The following MMP27 variants were observed in gnomAD, a reference collection of about 807,000 sequenced individuals.
MMP27 encodes the protein matrix metalloproteinase-27.
A neutral mutation model predicts 48.1 loss-of-function variants in MMP27; 51 were observed. The observed-to-expected ratio is 1.06, with a 90% CI of 0.85 to 1.34. MMP27 has a LOEUF of 1.34. Ranked by LOEUF, MMP27 falls within the 40% of genes most tolerant of loss-of-function variation. The pLI is 0.00. For missense variants in MMP27, 698 were observed against 619.3 expected (o/e 1.13, Z -1.35); for synonymous variants, 229 against 208.9 (o/e 1.10, Z -0.83).
At chr11:102,705,469 G>GAGAT in intron 1 of MMP27, 144 bp downstream of exon 1, 1 of 561,726 alleles carries the variant, frequency 1.8e-6, no homozygotes, top group South Asian at 2.6e-5. Context: ...GATATCGTCA[G>GAGAT]AGATAGACAA....
chr11:102,703,155 A>C, intron 2 of MMP27, 37 bp from the exon 3 acceptor site: 1 of 1,591,732 alleles, frequency 6.3e-7, no homozygotes, highest in Non-Finnish European at 8.6e-7. Flanking sequence ...TTTCTGGCTT[A>C]TTCATGCATG....
chr11:102,702,600 G>A (rs533537944), intron 4 of MMP27, among the ~76,000 whole-genome samples, 153 bp downstream of exon 4: 16 of 152,318 alleles, frequency 1.1e-4, no homozygotes, highest in Middle Eastern at 3.4e-3. Flanking sequence ...TTATGAGGGT[G>A]TATTGAACAC....
intron 7 of MMP27, 124 bp from the exon 8 acceptor site, chr11:102,694,189 C>A: frequency 1.7e-6 from 1 of 577,938 alleles, no homozygotes; most frequent in East Asian, 3.2e-5. Context: ...AATCTTATGT[C>A]CACATTCATT....
rs549949679 is a variant in MMP27, at chr11:102,693,651, C to T, written c.1193+255G>A. ...TACAAAAATTAGCCAGGCGTGGTGGCACATGCCTGTAGTATCAGTTACTTG... is the reference window on the plus strand; with the variant it reads ...TACAAAAATTAGCCAGGCGTGGTGGTACATGCCTGTAGTATCAGTTACTTG... On this transcript the variant is annotated intron_variant, in intron 8 of 9. Coordinates refer to ENST00000260229, the MANE Select transcript of MMP27 (RefSeq NM_022122.3). Among the ~76,000 whole-genome samples, 129 of 152,066 alleles carry T rather than the reference C, an allele frequency of 8.5e-4. 2 individuals carry two copies. Among genetic ancestry groups the T allele is most frequent in the Non-Finnish European group, 2.4e-4 (16 of 67,996 alleles).
At chr11:102,697,629 G>A (rs1860856085) in intron 4 of MMP27, among the ~76,000 whole-genome samples, 1 of 151,890 alleles carries the variant, frequency 6.6e-6, no homozygotes, top group African/African-American at 2.4e-5. Flanking sequence ...AGCCTCCTGT[G>A]CAGCTGGGAC....
chr11:102,695,998 C>A (rs1169107162), intron 6 of MMP27, among the ~76,000 whole-genome samples: 1 of 152,134 alleles, frequency 6.6e-6, no homozygotes, highest in African/African-American at 2.4e-5. Flanking sequence ...CAATTTCAAG[C>A]TGCCTATGTG....
chr11:102,704,913 TGA>T (rs1206207973), intron 1 of MMP27, 138 bp from the exon 2 acceptor site: 4 of 605,034 alleles, frequency 6.6e-6, no homozygotes, highest in Non-Finnish European at 1.2e-5. Context: ...TGAGAGAAAG[TGA>T]GGAGTGAAGG....
At chr11:102,693,684 C>T (rs1591655920) in intron 8 of MMP27, among the ~76,000 whole-genome samples, 1 of 152,054 alleles carries the variant, frequency 6.6e-6, no homozygotes, top group South Asian at 2.1e-4. Context: ...TTGGGGGTTG[C>T]TGAGACAGGA....
chr11:102,703,820 A>C (rs1005902606), intron 2 of MMP27, among the ~76,000 whole-genome samples: 1 of 152,200 alleles, frequency 6.6e-6, no homozygotes, highest in Non-Finnish European at 1.5e-5. Context: ...CACCACACCC[A>C]GTCCATATAT....
At chr11:102,699,328 C>G (rs1204117125) in intron 4 of MMP27, among the ~76,000 whole-genome samples, 1 of 151,926 alleles carries the variant, frequency 6.6e-6, no homozygotes, top group South Asian at 2.1e-4. Context: ...ATTAGCCAGG[C>G]AAGGTGACCT....
chr11:102,696,932 G>T, intron 4 of MMP27, 97 bp from the exon 5 acceptor site: 1 of 1,313,040 alleles, frequency 7.6e-7, no homozygotes, highest in Non-Finnish European at 1.0e-6. Flanking sequence ...TGAAATAAAG[G>T]CTTGCTATAC....
chr11:102,693,186 C>G, intron 8 of MMP27, 145 bp from the exon 9 acceptor site: 1 of 577,330 alleles, frequency 1.7e-6, no homozygotes, highest in Non-Finnish European at 3.1e-6. Flanking sequence ...AATAAAAATA[C>G]AGTAAAGATT....
chr11:102,692,038 T>C (rs1860735569), intron 9 of MMP27, 28 bp from the exon 10 acceptor site: 1 of 1,561,020 alleles, frequency 6.4e-7, no homozygotes, highest in Admixed American at 1.9e-5. Flanking sequence ...GGATTAGTTA[T>C]CTTTCATAAC....
chr11:102,695,644 G>A (rs959497211), intron 6 of MMP27, among the ~76,000 whole-genome samples: 1 of 152,168 alleles, frequency 6.6e-6, no homozygotes, highest in African/African-American at 2.4e-5. Flanking sequence ...GAGAATGGTG[G>A]TGATAACATG....
chr11:102,691,986 G>C lies in MMP27; in HGVS notation c.1322C>G (p.Ser441Ter). 6.2e-7 allele frequency: 1 copy of C among 1,605,504 alleles called. No homozygotes were observed. The highest frequency in any genetic ancestry group is 8.5e-7 in the Non-Finnish European group (1 of 1,175,462). The part of the protein sequence containing the change: ...YKGFFFFSRG[S>*]KQFEYDIKTK... Reference sequence around the variant, plus strand: ...CTTAATGTCGTATTCAAATTGCTTTGATCCACGGCTGAAAAAGAAGAATCC... The same window carrying C: ...CTTAATGTCGTATTCAAATTGCTTTCATCCACGGCTGAAAAAGAAGAATCC... Residue 441 changes from serine (S) to a stop codon, truncating the protein, a stop_gained, in exon 10 of 10, where the codon TCA (serine) becomes TGA (stop). Transcript: ENST00000260229. LOFTEE classifies it low-confidence loss of function (END_TRUNC).
At chr11:102,693,119 TCAA>T in intron 8 of MMP27, 78 bp from the exon 9 acceptor site, 4 of 1,073,108 alleles carry the variant, frequency 3.7e-6, no homozygotes, top group Non-Finnish European at 5.7e-6. Flanking sequence ...CAACTTAGAG[TCAA>T]GCAGGGATGT....
rs1290401333 is a variant in MMP27 at position 102,704,793 on chromosome 11, A to G, written c.103-18T>C. 3 of 772,182 alleles carry G rather than the reference A, an allele frequency of 3.9e-6. No homozygotes were observed. The highest frequency in any genetic ancestry group is 6.6e-5 in the Admixed American group (2 of 30,364). 47.8% of individuals were successfully genotyped at this position (772,182 alleles called of 1,614,324 possible). On this transcript the variant is annotated intron_variant, in intron 1 of 9. Transcript: ENST00000260229. The stretch of plus-strand genomic sequence containing the variant: ...AGATATGCCTGACCAAAAAGATAAG[A>G]AAAAAAAAAAAGAGGCACAGACTAC...
intron 9 of MMP27, among the ~76,000 whole-genome samples, chr11:102,692,575 CTTTG>C (rs1242724946): frequency 6.6e-6 from 1 of 152,168 alleles, no homozygotes; most frequent in Admixed American, 6.5e-5. Context: ...GCCTCAAATA[CTTTG>C]TTTCACACAC....
In MMP27 at chr11:102,694,015, T is replaced by C. The variant is rs1235516680; in HGVS notation, c.1084A>G (p.Lys362Glu). Residue 362 changes from lysine to glutamate, a missense_variant, in exon 8 of 10, where the codon AAA (lysine) becomes GAA (glutamate). Lys to Glu is a moderately conservative substitution (Grantham distance 56, BLOSUM62 1). Coordinates refer to ENST00000260229, the MANE Select transcript of MMP27 (RefSeq NM_022122.3). The stretch of plus-strand genomic sequence containing the variant: ...GGAAAACCTAATGTATGGATGGATT[T>C]GGGATAATCTGGCAAGACAGCATAT... The part of the protein sequence containing the change: ...RGYAVLPDYP[K>E]SIHTLGFPGR... The C allele has an allele frequency of 6.2e-7, 1 of 1,608,568 alleles. No homozygotes were observed. Among genetic ancestry groups the C allele is most frequent in the African/African-American group, 1.3e-5 (1 of 74,712 alleles).
Sources: allele counts gnomAD v4.1 joint callset (sites outside exome capture counted in the v4.1 genomes callset), GRCh38; gene constraint gnomAD v4.1.1; transcripts MANE v1.5; gene names NCBI Gene and HGNC (gene_info 2026-07-23, HGNC 2026-07-21).